Variants in XIRP2 observed in about 807,000 individuals in gnomAD.
XIRP2 encodes xin actin-binding repeat-containing protein 2.
XIRP2 carries 236 observed loss-of-function variants against 277.0 expected under a neutral mutation model. The observed-to-expected ratio is 0.85, with a 90% CI of 0.77 to 0.95. The LOEUF is 0.95. XIRP2 is among the 40% of genes least tolerant of loss of function. XIRP2 has a pLI of 0.00. For missense variants in XIRP2, 4,640 were observed against 4,157.5 expected (o/e 1.12, Z -3.19); for synonymous variants, 1,490 against 1,416.5 (o/e 1.05, Z -1.17).
At chr2:167,078,650 C>T (rs1308517922) in intron 2 of XIRP2, among the ~76,000 whole-genome samples, 2 of 151,984 alleles carry the variant, frequency 1.3e-5, no homozygotes, top group Non-Finnish European at 2.9e-5. Flanking sequence ...TCCTGGCTAA[C>T]ATGGTGAAAC....
At chr2:167,076,118 CA>C (rs1689563962) in intron 2 of XIRP2, among the ~76,000 whole-genome samples, 1 of 151,882 alleles carries the variant, frequency 6.6e-6, no homozygotes, top group Non-Finnish European at 1.5e-5. Context: ...GAGTGGGCAA[CA>C]GATGTTTACT....
chr2:167,181,080 T>C (rs1407339488), intron 3 of XIRP2, among the ~76,000 whole-genome samples: 1 of 152,190 alleles, frequency 6.6e-6, no homozygotes, highest in Non-Finnish European at 1.5e-5. Context: ...CTCTAAAGCA[T>C]TGTTCCCTTA....
Position 167,246,901 on chromosome 2 carries a change from AT to A in XIRP2, c.5510del (p.Ile1837LysfsTer5). The A allele has an allele frequency of 6.2e-7, 1 of 1,613,516 alleles. No homozygotes were observed. The highest frequency in any genetic ancestry group is 2.2e-5 in the East Asian group (1 of 44,834). On this transcript the variant is annotated frameshift_variant, in exon 9 of 11. Transcript: ENST00000409195. LOFTEE classifies it high-confidence loss of function. The stretch of plus-strand genomic sequence containing the variant: ...TGGTAAGATACCCAAAGAAGAGATT[AT>A]AAAAGGTGATTTGACATCAACCCTA... ...TFGKIPKEEI[I>X]KGDLTSTLNS...
intron 2 of XIRP2, among the ~76,000 whole-genome samples, chr2:166,915,924 C>T (rs1490948495): frequency 1.3e-5 from 2 of 152,146 alleles, no homozygotes; most frequent in Non-Finnish European, 2.9e-5. Context: ...ATAGGAAGCA[C>T]CATCACCATA....
intron 3 of XIRP2, among the ~76,000 whole-genome samples, chr2:167,159,094 A>C (rs141590964): frequency 1.7e-3 from 259 of 152,274 alleles, no homozygotes; most frequent in Admixed American, 2.8e-3. Flanking sequence ...GGAAACGTTC[A>C]TAGAGGGGCT....
intron 2 of XIRP2, among the ~76,000 whole-genome samples, chr2:167,083,240 G>T (rs1365043425): frequency 6.6e-6 from 1 of 152,012 alleles, no homozygotes; most frequent in Non-Finnish European, 1.5e-5. Flanking sequence ...GTTTGTCAAA[G>T]ATCAGATAGT....
chr2:167,149,765 G>T (rs578092861), intron 3 of XIRP2, among the ~76,000 whole-genome samples: 1 of 151,942 alleles, frequency 6.6e-6, no homozygotes, highest in East Asian at 1.9e-4. Flanking sequence ...GAAAATATAA[G>T]ATTCAATATC....
chr2:166,973,964 T>G (rs1686645666), intron 2 of XIRP2, among the ~76,000 whole-genome samples: 1 of 152,204 alleles, frequency 6.6e-6, no homozygotes, highest in Non-Finnish European at 1.5e-5. Flanking sequence ...GGGTCTAGTC[T>G]CAGCAATGGC....
rs750830761 is a variant in XIRP2, at chr2:166,903,889, A to G, written c.407A>G (p.Lys136Arg). 3.1e-6 allele frequency: 5 copies of G among 1,610,314 alleles called. No individual in the cohort carries two copies. In the South Asian group the frequency reaches 5.5e-5, roughly 18 times the overall value. The change falls in exon 2 of 11, where the codon AAG (lysine) becomes AGG (arginine). Residue 136 changes from lysine to arginine, a missense_variant and splice_region_variant. Coordinates refer to ENST00000409195, the MANE Select transcript of XIRP2 (RefSeq NM_152381.6). The stretch of plus-strand genomic sequence containing the variant: ...AACAAACCAGCTGAGTACGGTGGAA[A>G]GGTAAGGAGCCATTGATTGAGAGTC... ...SGNKPAEYGG[K>R]EVEIERSLCS...
intron 2 of XIRP2, among the ~76,000 whole-genome samples, chr2:167,113,213 C>T (rs994869500): frequency 1.1e-4 from 16 of 151,932 alleles, no homozygotes; most frequent in Non-Finnish European, 1.6e-4. Flanking sequence ...GTTAATTTTC[C>T]GCCTTGATGA....
At chr2:166,888,861 T>C (rs1185009548) in intron 1 of XIRP2, among the ~76,000 whole-genome samples, 1 of 152,154 alleles carries the variant, frequency 6.6e-6, no homozygotes, top group Non-Finnish European at 1.5e-5. Context: ...ACACGTAAGT[T>C]TGGCTATATA....
intron 2 of XIRP2, among the ~76,000 whole-genome samples, chr2:166,970,998 A>G (rs1409412655): frequency 6.6e-6 from 1 of 151,954 alleles, no homozygotes; most frequent in Non-Finnish European, 1.5e-5. Flanking sequence ...TTTAATATAA[A>G]TGTTGGTACA....
intron 3 of XIRP2, among the ~76,000 whole-genome samples, chr2:167,178,652 CT>C (rs1214926519): frequency 1.3e-4 from 20 of 149,062 alleles, no homozygotes; most frequent in East Asian, 3.9e-4. Context: ...TTTTACTTCA[CT>C]TTTTTTTTTC....
intron 3 of XIRP2, among the ~76,000 whole-genome samples, chr2:167,181,305 A>G (rs1168153021): frequency 6.6e-6 from 1 of 152,092 alleles, no homozygotes; most frequent in Non-Finnish European, 1.5e-5. Flanking sequence ...TTATTTGGGG[A>G]AACTATTTGT....
chr2:167,187,401 C>A, intron 3 of XIRP2: 1 of 985,372 alleles, frequency 1.0e-6, no homozygotes, highest in Non-Finnish European at 1.2e-6. Context: ...CGGGCCTCCA[C>A]TGCACCCATT....
intron 3 of XIRP2, among the ~76,000 whole-genome samples, chr2:167,191,788 T>C (rs1049150186): frequency 6.6e-6 from 1 of 152,222 alleles, no homozygotes; most frequent in Non-Finnish European, 1.5e-5. Context: ...TTTCGAATAG[T>C]ATGCAGATTA....
intron 2 of XIRP2, among the ~76,000 whole-genome samples, chr2:166,959,830 T>C (rs1209239116): frequency 6.6e-6 from 1 of 151,742 alleles, no homozygotes; most frequent in Non-Finnish European, 1.5e-5. Flanking sequence ...GTGACTGTCT[T>C]TGTGATTCCA....
chr2:167,089,302 C>T (rs1018916059), intron 2 of XIRP2, among the ~76,000 whole-genome samples: 2 of 152,122 alleles, frequency 1.3e-5, no homozygotes, highest in African/African-American at 4.8e-5. Context: ...TCCTTGGCTA[C>T]TCTACCTAAT....
chr2:167,014,377 G>A (rs1005980914), intron 2 of XIRP2, among the ~76,000 whole-genome samples: 9 of 151,612 alleles, frequency 5.9e-5, no homozygotes, highest in African/African-American at 2.2e-4. Flanking sequence ...AAAGATTGAG[G>A]TATAACAACA....
Sources: gnomAD v4.1 joint callset for allele counts (sites outside exome capture counted in the v4.1 genomes callset) on GRCh38, gnomAD v4.1.1 for gene constraint, MANE v1.5 for transcripts, NCBI Gene and HGNC (gene_info 2026-07-23, HGNC 2026-07-21) for gene names.